Variants in AGBL3 observed in about 807,000 individuals in gnomAD.
The protein encoded by AGBL3 is cytosolic carboxypeptidase 3.
AGBL3 carries 68 observed loss-of-function variants against 94.5 expected under a neutral mutation model. The ratio of observed to expected loss-of-function variants is 0.72; its 90% confidence interval spans 0.59 to 0.88. The LOEUF (loss-of-function observed/expected upper bound fraction) is 0.88, where lower values mean the gene tolerates loss of function less well. Ranked by LOEUF, AGBL3 falls within the 40% of genes least tolerant of loss-of-function variation. The pLI, the probability that AGBL3 is intolerant of heterozygous loss-of-function variation, is 0.00. For synonymous variants in AGBL3, 354 were observed against 370.7 expected, an observed-to-expected ratio of 0.95 and a Z score of 0.52; for missense variants, 934 against 1,103.8, an observed-to-expected ratio of 0.85 and a Z score of 2.18.
chr7:135,111,665 GGTTTTACTCCT>G (rs1183521083), intron 15 of AGBL3, among the ~76,000 whole-genome samples: 1 of 151,994 alleles, frequency 6.6e-6, no homozygotes, highest in African/African-American at 2.4e-5. Flanking sequence ...ACTCTCTCCT[GGTTTTACTCCT>G]GTTTCTCTAG....
chr7:135,080,654 G>A (rs1820836599), intron 14 of AGBL3, among the ~76,000 whole-genome samples: 1 of 151,698 alleles, frequency 6.6e-6, no homozygotes, highest in African/African-American at 2.4e-5. Flanking sequence ...GATAAGCCCA[G>A]GAGAGAAATT....
At chr7:135,031,830 G>T (rs1332002709) in intron 5 of AGBL3, among the ~76,000 whole-genome samples, 1 of 152,148 alleles carries the variant, frequency 6.6e-6, no homozygotes, top group Non-Finnish European at 1.5e-5. Context: ...TCCCAGAAGT[G>T]TATGTCCTCT....
rs1267355868 is a variant in AGBL3 at position 135,058,723 on chromosome 7, GA to G, written c.1842-444del. Among the ~76,000 whole-genome samples the G allele has an allele frequency of 3.9e-5, 6 of 152,088 alleles. No homozygotes were observed. The South Asian group carries it at 8.3e-4, about 21-fold the overall frequency. ...CAACAAAAACCCTCTAAGCTGTCTG[GA>G]ACTACTAAACCTTTGTAAACATTCT... is the stretch of plus-strand genomic sequence containing the variant. On this transcript the variant is annotated intron_variant, in intron 11 of 16. Coordinates refer to ENST00000436302, the MANE Select transcript of AGBL3 (RefSeq NM_178563.4).
chr7:135,049,054 A>C (rs1817638459), intron 11 of AGBL3, among the ~76,000 whole-genome samples: 1 of 151,680 alleles, frequency 6.6e-6, no homozygotes, highest in Non-Finnish European at 1.5e-5. Context: ...TTTTACCTTT[A>C]AGTATGCTGT....
chr7:135,127,047 A>C (rs1827972235), intron 16 of AGBL3, among the ~76,000 whole-genome samples: 1 of 152,244 alleles, frequency 6.6e-6, no homozygotes, highest in East Asian at 1.9e-4. Context: ...GAGCTTCTGC[A>C]TAGCAAAAGA....
intron 4 of AGBL3, among the ~76,000 whole-genome samples, chr7:135,005,602 T>C (rs73152000): frequency 0.24 from 36,038 of 151,638 alleles, 5,323 homozygotes; most frequent in South Asian, 0.42. Flanking sequence ...GACAAAATTA[T>C]TCTAAAATTT....
At chr7:135,079,938 T>C (rs1375465643) in intron 13 of AGBL3, among the ~76,000 whole-genome samples, 1 of 152,176 alleles carries the variant, frequency 6.6e-6, no homozygotes, top group Non-Finnish European at 1.5e-5. Context: ...ATACATTCTA[T>C]GTGATGTGGA....
intron 12 of AGBL3, among the ~76,000 whole-genome samples, chr7:135,070,045 C>T (rs1416040088): frequency 6.6e-6 from 1 of 152,156 alleles, no homozygotes; most frequent in Non-Finnish European, 1.5e-5. Flanking sequence ...AAGGGGATAT[C>T]ACCACCAATG....
chr7:135,031,203 A>T (rs2348050), intron 5 of AGBL3, among the ~76,000 whole-genome samples: 66,735 of 151,958 alleles, frequency 0.44, 15,349 homozygotes, highest in East Asian at 0.78. Context: ...CGTTTTTATC[A>T]TATGTAGAAC....
chr7:135,063,896 G>T (rs1350635007), intron 12 of AGBL3, among the ~76,000 whole-genome samples: 1 of 152,132 alleles, frequency 6.6e-6, no homozygotes, highest in Non-Finnish European at 1.5e-5. Flanking sequence ...GTCAGCAGTG[G>T]CTCTACTGAA....
chr7:135,062,299 G>C (rs1448777082), intron 12 of AGBL3, among the ~76,000 whole-genome samples: 1 of 151,912 alleles, frequency 6.6e-6, no homozygotes, highest in Admixed American at 6.6e-5. Context: ...TTTGATGGGA[G>C]TTTTCTATAT....
chr7:135,078,362 C>G (rs934756898), intron 13 of AGBL3, among the ~76,000 whole-genome samples: 2 of 152,080 alleles, frequency 1.3e-5, no homozygotes, highest in African/African-American at 4.8e-5. Flanking sequence ...TTCCTCTGCT[C>G]TCTCTTCTAG....
In AGBL3 at chr7:135,037,561, G is replaced by A; in HGVS notation, c.1481G>A (p.Ser494Asn). 6.5e-7 allele frequency: 1 copy of A among 1,538,510 alleles called. No individual in the cohort carries two copies. The highest frequency in any genetic ancestry group is 8.8e-7 in the Non-Finnish European group (1 of 1,142,036). The change falls in exon 8 of 17, where the codon AGC (serine) becomes AAC (asparagine). Residue 494 changes from serine (S) to asparagine (N), a missense_variant. Transcript: ENST00000436302. ...LQQRIFPLML[S>N]KNCPDKFSFS... ...CAACGAATCTTCCCACTTATGCTAA[G>A]CAAAAATTGTCCAGATAAAGTAAGC...
chr7:135,134,562 C>T (rs1306067289), intron 16 of AGBL3, among the ~76,000 whole-genome samples: 1 of 151,902 alleles, frequency 6.6e-6, no homozygotes, highest in East Asian at 1.9e-4. Flanking sequence ...AGGTAAGGAG[C>T]TGGGGCCCAG....
intron 11 of AGBL3, among the ~76,000 whole-genome samples, chr7:135,054,533 A>G (rs886097864): frequency 1.3e-5 from 2 of 152,216 alleles, no homozygotes; most frequent in African/African-American, 4.8e-5. Flanking sequence ...ATTAATATAA[A>G]AAAGATAAAG....
At chr7:135,001,155 A>G (rs1382704715) in intron 4 of AGBL3, among the ~76,000 whole-genome samples, 1 of 152,116 alleles carries the variant, frequency 6.6e-6, no homozygotes, top group African/African-American at 2.4e-5. Context: ...CCATTTAAAT[A>G]TTTCCGTTTT....
chr7:135,118,162 CT>C (rs1475507816), intron 16 of AGBL3, among the ~76,000 whole-genome samples: 1 of 152,034 alleles, frequency 6.6e-6, no homozygotes, highest in Non-Finnish European at 1.5e-5. Flanking sequence ...CTACCTTATG[CT>C]TTTTTTAATT....
At chr7:135,106,876 T>G (rs887042347) in intron 15 of AGBL3, among the ~76,000 whole-genome samples, 1 of 152,210 alleles carries the variant, frequency 6.6e-6, no homozygotes, top group African/African-American at 2.4e-5. Context: ...TATTTATTAC[T>G]GATTCTATTT....
At chr7:135,109,407 G>A (rs1028850459) in intron 15 of AGBL3, among the ~76,000 whole-genome samples, 4 of 152,026 alleles carry the variant, frequency 2.6e-5, no homozygotes, top group Admixed American at 6.6e-5. Context: ...CCAGCAAGGA[G>A]TGGCTGAAGA....
Sources: allele counts gnomAD v4.1 joint callset (sites outside exome capture counted in the v4.1 genomes callset), GRCh38; gene constraint gnomAD v4.1.1; transcripts MANE v1.5; gene names NCBI Gene and HGNC (gene_info 2026-07-23, HGNC 2026-07-21).